Variants in PTPRR observed in about 807,000 individuals in gnomAD.
PTPRR encodes the protein receptor-type tyrosine-protein phosphatase R.
A neutral mutation model predicts 77.2 loss-of-function variants in PTPRR; 38 were observed. The observed-to-expected ratio is 0.49, with a 90% CI of 0.38 to 0.65. The LOEUF is 0.65. PTPRR is among the 30% of genes least tolerant of loss of function. The pLI, the probability that PTPRR is intolerant of heterozygous loss-of-function variation, is 0.00. For missense variants in PTPRR, 744 were observed against 799.2 expected, an observed-to-expected ratio of 0.93 and a Z score of 0.83; for synonymous variants, 299 against 283.1, an observed-to-expected ratio of 1.06 and a Z score of -0.57.
chr12:70,673,439 T>C (rs994502335), intron 10 of PTPRR, among the ~76,000 whole-genome samples: 1 of 152,244 alleles, frequency 6.6e-6, no homozygotes, highest in Non-Finnish European at 1.5e-5. Flanking sequence ...CTGTAATCCT[T>C]GTGAGATATT....
chr12:70,743,184 CA>C (rs1890107855), intron 6 of PTPRR, among the ~76,000 whole-genome samples: 1 of 151,902 alleles, frequency 6.6e-6, no homozygotes, highest in Admixed American at 6.6e-5. Flanking sequence ...CGAAGGTAGC[CA>C]TGCAAGAAAC....
intron 6 of PTPRR, among the ~76,000 whole-genome samples, chr12:70,723,344 T>A (rs57288347): frequency 1.2e-3 from 189 of 152,272 alleles, no homozygotes; most frequent in African/African-American, 3.6e-3. Context: ...GAGGGCTTTT[T>A]TTTTTCCCCT....
chr12:70,652,762 G>A (rs1248904656), intron 13 of PTPRR, among the ~76,000 whole-genome samples: 1 of 152,150 alleles, frequency 6.6e-6, no homozygotes, highest in Non-Finnish European at 1.5e-5. Flanking sequence ...GATAGAGGAG[G>A]CATTGTGATG....
At chr12:70,793,491 G>A (rs1394164820) in intron 2 of PTPRR, among the ~76,000 whole-genome samples, 1 of 152,192 alleles carries the variant, frequency 6.6e-6, no homozygotes, top group East Asian at 1.9e-4. Context: ...GAAAGTCATG[G>A]CAACAGTCTT....
At position 70,662,480 on chromosome 12, in the gene PTPRR, G is replaced by A. The variant is rs1251792646; in HGVS notation, c.1608+15C>T. 7 of 1,485,954 alleles carry A rather than the reference G, an allele frequency of 4.7e-6. No individual in the cohort carries two copies. The highest frequency in any genetic ancestry group is 2.8e-6 in the Non-Finnish European group (3 of 1,069,800). 92.0% of individuals were successfully genotyped at this position (1,485,954 alleles called of 1,614,324 possible). On this transcript the variant is annotated intron_variant, in intron 11 of 13. Coordinates refer to ENST00000283228, the MANE Select transcript of PTPRR (RefSeq NM_002849.4). ...ATCATCTACTTTGTAGATGGCTATA[G>A]CTACATAATCTTACCTTTAAGACAA...
intron 2 of PTPRR, among the ~76,000 whole-genome samples, chr12:70,884,004 A>C (rs1242619856): frequency 6.6e-6 from 1 of 152,170 alleles, no homozygotes; most frequent in Non-Finnish European, 1.5e-5. Context: ...GGGTCTGTGG[A>C]TATCTCCCAG....
At chr12:70,739,867 A>G (rs1323450048) in intron 6 of PTPRR, among the ~76,000 whole-genome samples, 1 of 152,142 alleles carries the variant, frequency 6.6e-6, no homozygotes. Context: ...AAATGTGGAC[A>G]GGAGCGCAGC....
chr12:70,841,968 C>T (rs1005267761), intron 2 of PTPRR, among the ~76,000 whole-genome samples: 2 of 152,148 alleles, frequency 1.3e-5, no homozygotes, highest in African/African-American at 4.8e-5. Context: ...TAGGTAATAT[C>T]AGCACCAGGT....
intron 8 of PTPRR, 35 bp downstream of exon 8, chr12:70,698,230 C>A (rs765499396): frequency 5.1e-6 from 8 of 1,572,936 alleles, no homozygotes; most frequent in Non-Finnish European, 4.4e-6. Context: ...CCCTTGCCCC[C>A]CATACAATGC....
chr12:70,698,387 A>T, intron 7 of PTPRR, 38 bp from the exon 8 acceptor site: 1 of 1,548,346 alleles, frequency 6.5e-7, no homozygotes, highest in Non-Finnish European at 8.9e-7. Flanking sequence ...TGTATCTAAT[A>T]CTGCCACAAA....
At chr12:70,754,426 C>G in intron 4 of PTPRR, 125 bp from the exon 5 acceptor site, 2 of 1,564,044 alleles carry the variant, frequency 1.3e-6, no homozygotes, top group Non-Finnish European at 1.7e-6. Context: ...CTACACCCCC[C>G]GCTGCCAGAG....
chr12:70,888,602 A>G (rs1446450360), intron 2 of PTPRR, among the ~76,000 whole-genome samples: 1 of 152,156 alleles, frequency 6.6e-6, no homozygotes, highest in Non-Finnish European at 1.5e-5. Flanking sequence ...CACACCTCAC[A>G]TTACAGTAGG....
In PTPRR at chr12:70,731,757, C is replaced by T. The variant is rs77752890; in HGVS notation, c.1007+14061G>A. Among the ~76,000 whole-genome samples the T allele has an allele frequency of 3.0e-3, 455 of 152,284 alleles. 3 individuals are homozygous for T. The highest frequency in any genetic ancestry group is 0.011 in the African/African-American group (437 of 41,536). On this transcript the variant is annotated intron_variant, in intron 6 of 13. Transcript: ENST00000283228. ...GTCTAACTCCCATGAGTAAGGCTAA[C>T]TCTGTATCATTCAGTCAATTTTTAG...
chr12:70,746,102 T>TA lies in PTPRR; in HGVS notation c.739-17dup. Reference sequence around the variant, plus strand: ...TGTAAAGAATCTATAGAAGGAGATATAAAAAACTCCTGTCACATTTTCTCA... The same window carrying TA: ...TGTAAAGAATCTATAGAAGGAGATATAAAAAAACTCCTGTCACATTTTCTCA... On this transcript the variant is annotated splice_polypyrimidine_tract_variant and intron_variant, in intron 5 of 13. Coordinates refer to ENST00000283228, the MANE Select transcript of PTPRR (RefSeq NM_002849.4). The TA allele has an allele frequency of 2.5e-6, 4 of 1,598,594 alleles. No homozygotes were observed. The highest frequency in any genetic ancestry group is 3.4e-6 in the Non-Finnish European group (4 of 1,171,928).
intron 2 of PTPRR, among the ~76,000 whole-genome samples, chr12:70,869,433 C>A (rs1190068379): frequency 2.0e-5 from 3 of 151,978 alleles, no homozygotes; most frequent in Non-Finnish European, 2.9e-5. Flanking sequence ...CCTGAGTTGC[C>A]CAAAGTGGGA....
chr12:70,783,551 C>T (rs890308393), intron 2 of PTPRR, among the ~76,000 whole-genome samples: 34 of 152,086 alleles, frequency 2.2e-4, no homozygotes, highest in Non-Finnish European at 2.8e-4. Flanking sequence ...CTGGCTGAGG[C>T]CTTTATGGGC....
chr12:70,720,986 C>G (rs1294982051), intron 6 of PTPRR, among the ~76,000 whole-genome samples: 1 of 152,160 alleles, frequency 6.6e-6, no homozygotes, highest in Non-Finnish European at 1.5e-5. Context: ...AACAGCACTG[C>G]TTTCTAGTAT....
chr12:70,670,353 C>T (rs1317714716), intron 10 of PTPRR, among the ~76,000 whole-genome samples: 9 of 152,160 alleles, frequency 5.9e-5, no homozygotes, highest in South Asian at 2.1e-4. Context: ...TGATTAAGTG[C>T]CTGGGCTTTG....
At chr12:70,778,631 A>C (rs1891138599) in intron 2 of PTPRR, among the ~76,000 whole-genome samples, 2 of 151,836 alleles carry the variant, frequency 1.3e-5, no homozygotes, top group Non-Finnish European at 1.5e-5. Context: ...CTCTGTCCTT[A>C]TGTTTTTTCA....
Sources: gnomAD v4.1 joint callset for allele counts (sites outside exome capture counted in the v4.1 genomes callset) on GRCh38, gnomAD v4.1.1 for gene constraint, MANE v1.5 for transcripts, NCBI Gene and HGNC (gene_info 2026-07-23, HGNC 2026-07-21) for gene names.